Variants in MLLT3 observed in about 807,000 individuals in gnomAD.
The protein encoded by MLLT3 is MLLT3 super elongation complex subunit.
A neutral mutation model predicts 53.2 loss-of-function variants in MLLT3; 4 were observed. The observed-to-expected ratio is 0.08, with a 90% CI of 0.04 to 0.17. The LOEUF is 0.17. MLLT3 is among the 10% of genes least tolerant of loss of function. The probability of loss-of-function intolerance (pLI) is 1.00; values close to 1 mark genes in which losing one functional copy is unlikely to be tolerated. For missense variants in MLLT3, 569 were observed against 684.0 expected, an observed-to-expected ratio of 0.83 and a Z score of 1.87; for synonymous variants, 283 against 230.6, an observed-to-expected ratio of 1.23 and a Z score of -2.06.
intron 8 of MLLT3, among the ~76,000 whole-genome samples, chr9:20,356,209 G>C (rs1821167768): frequency 6.6e-6 from 1 of 152,170 alleles, no homozygotes; most frequent in African/African-American, 2.4e-5. Flanking sequence ...CGAGTAAAAA[G>C]TGTCCTTTTA....
At chr9:20,533,988 G>C (rs1367818097) in intron 2 of MLLT3, among the ~76,000 whole-genome samples, 1 of 152,192 alleles carries the variant, frequency 6.6e-6, no homozygotes, top group African/African-American at 2.4e-5. Flanking sequence ...TGATGGATAT[G>C]TGAATTAATT....
chr9:20,542,546 A>T (rs907650520), intron 2 of MLLT3, among the ~76,000 whole-genome samples: 1 of 152,186 alleles, frequency 6.6e-6, no homozygotes, highest in Non-Finnish European at 1.5e-5. Flanking sequence ...CAGAGCAGTA[A>T]TATTTTTAAA....
At position 20,353,590 on chromosome 9, in the gene MLLT3, G is replaced by C; in HGVS notation, c.1510C>G (p.Leu504Val). Reference protein sequence around the residue: ...IKNGECDKAYLDELVELHRRL... With the variant: ...IKNGECDKAYVDELVELHRRL... Reference sequence around the variant, plus strand: ...CTGTGAAGCTCTACCAGTTCATCTAGGTATGCCTGAAAGAGAAGAATGTCC... The same window carrying C: ...CTGTGAAGCTCTACCAGTTCATCTACGTATGCCTGAAAGAGAAGAATGTCC... Residue 504 changes from leucine to valine, a missense_variant, in exon 10 of 11, where the codon CTA becomes GTA. By Grantham distance (32) the Leu-to-Val change is conservative. This residue lies in a region of MLLT3 where 45 missense variants were observed against 85.5 expected (regional missense o/e 0.53). Transcript: ENST00000380338. 4 of 1,613,736 alleles carry C rather than the reference G, an allele frequency of 2.5e-6. No individual in the cohort carries two copies. Among genetic ancestry groups the C allele is most frequent in the Non-Finnish European group, 2.5e-6 (3 of 1,179,612 alleles).
At chr9:20,398,958 C>T (rs1822389578) in intron 5 of MLLT3, among the ~76,000 whole-genome samples, 1 of 152,148 alleles carries the variant, frequency 6.6e-6, no homozygotes, top group African/African-American at 2.4e-5. Flanking sequence ...TCAAGAGCTA[C>T]ACACTCCTTG....
At chr9:20,615,360 GAAAAAAAAAA>G (rs10601830) in intron 2 of MLLT3, among the ~76,000 whole-genome samples, 30 of 48,750 alleles carry the variant, frequency 6.2e-4, no homozygotes, top group Admixed American at 3.6e-3. Flanking sequence ...CAGACCATGT[GAAAAAAAAAA>G]AAAAAAAAAA....
In MLLT3 at chr9:20,448,650, A is replaced by G. The variant is rs1823765935; in HGVS notation, c.277-384T>C. ...TAAATATTTCTTCAACAAGCCCTCT[A>G]ACTCTTACTACTAGGCTTTTACTCA... On this transcript the variant is annotated intron_variant, in intron 3 of 10. Coordinates refer to ENST00000380338, the MANE Select transcript of MLLT3 (RefSeq NM_004529.4). The surrounding 1 kb of genome is among the most constrained non-coding windows in gnomAD (Gnocchi z 4.0). 6.6e-6 allele frequency among the ~76,000 whole-genome samples: 1 copy of G among 152,120 alleles called. No homozygotes were observed. Among genetic ancestry groups the G allele is most frequent in the Non-Finnish European group, 1.5e-5 (1 of 68,010 alleles).
chr9:20,533,216 C>T, intron 2 of MLLT3: 1 of 316,022 alleles, frequency 3.2e-6, no homozygotes, highest in Non-Finnish European at 6.3e-6. Flanking sequence ...CTGGTGGAAG[C>T]CATCAGGACC....
At chr9:20,417,150 A>C (rs1822890831) in intron 4 of MLLT3, among the ~76,000 whole-genome samples, 1 of 149,106 alleles carries the variant, frequency 6.7e-6, no homozygotes, top group Admixed American at 6.7e-5. Flanking sequence ...ACAGAATAAA[A>C]GCTTTCACTG....
chr9:20,350,431 T>C (rs192806430), intron 10 of MLLT3, among the ~76,000 whole-genome samples: 64 of 151,478 alleles, frequency 4.2e-4, no homozygotes, highest in Middle Eastern at 3.4e-3. Context: ...CCGTCTCTAC[T>C]AAAAATACAA....
chr9:20,371,674 T>G (rs531729973), intron 5 of MLLT3, among the ~76,000 whole-genome samples: 1 of 152,230 alleles, frequency 6.6e-6, no homozygotes, highest in Non-Finnish European at 1.5e-5. Flanking sequence ...TCATTGACAA[T>G]GTACCTGGTC....
chr9:20,385,282 T>G (rs1165470392), intron 5 of MLLT3, among the ~76,000 whole-genome samples: 1 of 152,094 alleles, frequency 6.6e-6, no homozygotes, highest in Non-Finnish European at 1.5e-5. Flanking sequence ...GACAGTAGTA[T>G]TATTTGAAAG....
chr9:20,503,640 A>G (rs555212009), intron 2 of MLLT3, among the ~76,000 whole-genome samples: 1 of 152,278 alleles, frequency 6.6e-6, no homozygotes, highest in East Asian at 1.9e-4. Flanking sequence ...CTGGGTGATG[A>G]TTCTTTGGAT....
chr9:20,390,248 A>G (rs994306821), intron 5 of MLLT3, among the ~76,000 whole-genome samples: 2 of 152,214 alleles, frequency 1.3e-5, no homozygotes, highest in Non-Finnish European at 2.9e-5. Flanking sequence ...AGAGATCTTA[A>G]AAGTAGGATA....
intron 2 of MLLT3, among the ~76,000 whole-genome samples, chr9:20,458,833 G>C (rs10964562): frequency 0.2 from 30,925 of 152,186 alleles, 4,117 homozygotes; most frequent in Middle Eastern, 0.31. Flanking sequence ...ATGCAGCACA[G>C]GGCCTGGCGC....
intron 2 of MLLT3, among the ~76,000 whole-genome samples, chr9:20,560,635 A>C (rs1463135743): frequency 6.6e-6 from 1 of 152,196 alleles, no homozygotes; most frequent in Non-Finnish European, 1.5e-5. Context: ...GCTGGGTGTG[A>C]AGGTCCTCAG....
chr9:20,570,567 T>C (rs1819508171), intron 2 of MLLT3, among the ~76,000 whole-genome samples: 1 of 152,196 alleles, frequency 6.6e-6, no homozygotes, highest in Non-Finnish European at 1.5e-5. Flanking sequence ...CAAAACAGAT[T>C]TAGACATATG....
chr9:20,473,264 A>C (rs1398042267), intron 2 of MLLT3, among the ~76,000 whole-genome samples: 1 of 152,116 alleles, frequency 6.6e-6, no homozygotes, highest in Non-Finnish European at 1.5e-5. Flanking sequence ...GGTTAAAGTT[A>C]CTTCTCTCAT....
chr9:20,441,568 G>A (rs1341523844), intron 4 of MLLT3, among the ~76,000 whole-genome samples: 1 of 152,036 alleles, frequency 6.6e-6, no homozygotes, highest in Non-Finnish European at 1.5e-5. Context: ...TAGCTTCTAA[G>A]AAATAACCAC....
chr9:20,596,894 C>T (rs141515279), intron 2 of MLLT3, among the ~76,000 whole-genome samples: 2 of 151,938 alleles, frequency 1.3e-5, no homozygotes, highest in Non-Finnish European at 2.9e-5. Flanking sequence ...GTATTGCCAT[C>T]GTAATATTAA....
Sources: gnomAD v4.1 joint callset for allele counts (sites outside exome capture counted in the v4.1 genomes callset) on GRCh38, gnomAD v4.1.1 for gene constraint, gnomAD v4.1.1 regional missense constraint, Gnocchi (gnomAD v3.1) non-coding constraint, MANE v1.5 for transcripts, NCBI Gene and HGNC (gene_info 2026-07-23, HGNC 2026-07-21) for gene names.